The following ARHGAP31 variants were observed in gnomAD, a reference collection of about 807,000 sequenced individuals.
The protein encoded by ARHGAP31 is Rho GTPase activating protein 31, also known as rho GTPase-activating protein 31.
ARHGAP31 carries 34 observed loss-of-function variants against 113.9 expected under a neutral mutation model. The ratio of observed to expected loss-of-function variants is 0.30; its 90% CI spans 0.23 to 0.40. The LOEUF (loss-of-function observed/expected upper bound fraction) is 0.40, where lower values mean the gene tolerates loss of function less well. Among genes scored for constraint, ARHGAP31 ranks in the 10% least tolerant of loss-of-function variants. ARHGAP31 has a pLI of 1.00. For synonymous variants in ARHGAP31, 650 were observed against 684.8 expected (o/e 0.95, Z 0.79); for missense variants, 1,548 against 1,767.1 (o/e 0.88, Z 2.22).
rs544667283 is a variant in ARHGAP31, at chr3:119,312,615, A to T, written c.100+17611A>T. Among the ~76,000 whole-genome samples, 298 of 152,350 alleles carry T rather than the reference A, an allele frequency of 2.0e-3. 1 individual carries two copies. Among genetic ancestry groups the T allele is most frequent in the Non-Finnish European group, 2.0e-3 (139 of 68,034 alleles). ...AATAATAAAATAAAATAACAAAAGCAATTGTTAAAAACAACAACAACAACA... is the reference window on the plus strand; with the variant it reads ...AATAATAAAATAAAATAACAAAAGCTATTGTTAAAAACAACAACAACAACA... On this transcript the variant is annotated intron_variant, in intron 1 of 11. Coordinates refer to ENST00000264245, the MANE Select transcript of ARHGAP31 (RefSeq NM_020754.4).
chr3:119,297,044 C>G (rs2079538687), intron 1 of ARHGAP31, among the ~76,000 whole-genome samples: 1 of 152,152 alleles, frequency 6.6e-6, no homozygotes, highest in South Asian at 2.1e-4. Context: ...GATGAGAGTT[C>G]AGCTTTGAAA....
intron 1 of ARHGAP31, chr3:119,324,968 A>T (rs1351147282): frequency 2.2e-6 from 1 of 456,726 alleles, no homozygotes; most frequent in Non-Finnish European, 4.4e-6. Context: ...GGTAAGCAAT[A>T]AGCAGTACTC....
intron 1 of ARHGAP31, among the ~76,000 whole-genome samples, chr3:119,359,736 G>C (rs922457022): frequency 6.6e-6 from 1 of 152,100 alleles, no homozygotes; most frequent in East Asian, 1.9e-4. Flanking sequence ...TGGATTCTGG[G>C]GGGGAAACGC....
chr3:119,398,122 C>T (rs1419927648), intron 8 of ARHGAP31, among the ~76,000 whole-genome samples: 1 of 151,792 alleles, frequency 6.6e-6, no homozygotes, highest in Non-Finnish European at 1.5e-5. Flanking sequence ...TTTAAATTAG[C>T]CAGGTTTGTT....
At chr3:119,401,385 G>C (rs2080605560) in intron 9 of ARHGAP31, among the ~76,000 whole-genome samples, 1 of 152,150 alleles carries the variant, frequency 6.6e-6, no homozygotes, top group African/African-American at 2.4e-5. Flanking sequence ...AAGTTTTAAA[G>C]TTCTAAAATA....
intron 1 of ARHGAP31, among the ~76,000 whole-genome samples, chr3:119,315,748 G>A (rs1190189329): frequency 6.6e-6 from 1 of 152,354 alleles, no homozygotes; most frequent in South Asian, 2.1e-4. Context: ...TGCTGTGGAT[G>A]CTGACCAGCA....
chr3:119,386,555 T>C (rs73187865), intron 6 of ARHGAP31, among the ~76,000 whole-genome samples: 17,441 of 152,242 alleles, frequency 0.11, 1,096 homozygotes, highest in African/African-American at 0.17. Flanking sequence ...GGACCAGCCC[T>C]ACAGGGTCAG....
At chr3:119,410,707 A>C (rs1035543679) in intron 11 of ARHGAP31, among the ~76,000 whole-genome samples, 12 of 152,248 alleles carry the variant, frequency 7.9e-5, no homozygotes, top group Non-Finnish European at 1.5e-4. Context: ...GGGTGGATTC[A>C]AGGGAACAAG....
Position 119,405,330 on chromosome 3 carries a change from C to T in ARHGAP31, c.1645+2933C>T, listed in dbSNP as rs925989076. Among the ~76,000 whole-genome samples, 13 of 152,288 alleles carry T rather than the reference C, an allele frequency of 8.5e-5. No homozygotes were observed. The East Asian group carries it at 2.5e-3, about 29-fold the overall frequency. Reference sequence around the variant, plus strand: ...TAGAAGTTTATTTCTATCTTACACACAAGTCCAGAATAAGGTGACTGTGAT... The same window carrying T: ...TAGAAGTTTATTTCTATCTTACACATAAGTCCAGAATAAGGTGACTGTGAT... On this transcript the variant is annotated intron_variant, in intron 10 of 11. Transcript: ENST00000264245.
At chr3:119,387,179 A>G (rs1046718960) in intron 6 of ARHGAP31, among the ~76,000 whole-genome samples, 5 of 152,186 alleles carry the variant, frequency 3.3e-5, no homozygotes, top group Admixed American at 6.5e-5. Flanking sequence ...GCTGGACCAC[A>G]GTCCGCCTGG....
At position 119,416,091 on chromosome 3, in the gene ARHGAP31, CT is replaced by C; in HGVS notation, c.4165del (p.Cys1389ValfsTer21). On this transcript the variant is annotated frameshift_variant, in exon 12 of 12. Transcript: ENST00000264245. LOFTEE classifies it high-confidence loss of function. ...CACCCAGACAGTTTCCCCTGGCCTTCTTTGTGGAGAGTTGGCAGAAAACACA... is the reference window on the plus strand; with the variant it reads ...CACCCAGACAGTTTCCCCTGGCCTTCTTGTGGAGAGTTGGCAGAAAACACA... Reference protein sequence around the residue: ...SPTQTVSPGLLCGELAENTWV... With the variant: ...SPTQTVSPGLXCGELAENTWV... 3.7e-6 allele frequency: 6 copies of C among 1,614,192 alleles called. No individual in the cohort carries two copies. Among genetic ancestry groups the C allele is most frequent in the Non-Finnish European group, 4.2e-6 (5 of 1,180,040 alleles).
In ARHGAP31 at chr3:119,416,087, C is replaced by A. The variant is rs1222852129; in HGVS notation, c.4158C>A (p.Gly1386=). The A allele has an allele frequency of 1.1e-5, 17 of 1,614,194 alleles. No homozygotes were observed. Among genetic ancestry groups the A allele is most frequent in the South Asian group, 2.2e-5 (2 of 91,080 alleles). ...IRSPTQTVSP[G]LLCGELAENT... ...GTCCCACCCAGACAGTTTCCCCTGGCCTTCTTTGTGGAGAGTTGGCAGAAA... is the reference window on the plus strand; with the variant it reads ...GTCCCACCCAGACAGTTTCCCCTGGACTTCTTTGTGGAGAGTTGGCAGAAA... Residue 1386 remains glycine, a synonymous_variant, in exon 12 of 12, where the codon GGC becomes GGA. Coordinates refer to ENST00000264245, the MANE Select transcript of ARHGAP31 (RefSeq NM_020754.4).
At chr3:119,377,259 T>C (rs1374518063) in intron 3 of ARHGAP31, among the ~76,000 whole-genome samples, 1 of 152,208 alleles carries the variant, frequency 6.6e-6, no homozygotes, top group Non-Finnish European at 1.5e-5. Context: ...AAGGGACAGA[T>C]GATACCCAAA....
intron 11 of ARHGAP31, among the ~76,000 whole-genome samples, chr3:119,412,193 A>C (rs1180227704): frequency 6.6e-6 from 1 of 152,152 alleles, no homozygotes; most frequent in African/African-American, 2.4e-5. Flanking sequence ...GTTTGTGACC[A>C]GCCTGGCCAA....
intron 8 of ARHGAP31, among the ~76,000 whole-genome samples, chr3:119,398,401 G>A (rs1265807535): frequency 6.6e-6 from 1 of 152,190 alleles, no homozygotes; most frequent in African/African-American, 2.4e-5. Flanking sequence ...AGGGCTACTA[G>A]TCCTGGGCCT....
At chr3:119,387,403 A>G (rs1404962699) in intron 6 of ARHGAP31, among the ~76,000 whole-genome samples, 1 of 152,250 alleles carries the variant, frequency 6.6e-6, no homozygotes, top group Non-Finnish European at 1.5e-5. Flanking sequence ...AATTGCTACA[A>G]ACTAATGATT....
At chr3:119,329,285 A>G (rs1381401546) in intron 1 of ARHGAP31, among the ~76,000 whole-genome samples, 1 of 152,198 alleles carries the variant, frequency 6.6e-6, no homozygotes, top group African/African-American at 2.4e-5. Flanking sequence ...GCCACATATC[A>G]ATATAGCCTG....
Position 119,415,515 on chromosome 3 carries a change from C to T in ARHGAP31, c.3586C>T (p.Gln1196Ter), listed in dbSNP as rs2080767698. ...VRTSFMVKMC[Q>*]ARAVPVIPPK... The stretch of plus-strand genomic sequence containing the variant: ...AACCTCCTTCATGGTCAAAATGTGC[C>T]AGGCCAGGGCGGTCCCAGTCATCCC... The change falls in exon 12 of 12, where the codon CAG (glutamine) becomes TAG (stop). Residue 1196 changes from glutamine to a stop codon, truncating the protein, a stop_gained. Coordinates refer to ENST00000264245, the MANE Select transcript of ARHGAP31 (RefSeq NM_020754.4). LOFTEE classifies it high-confidence loss of function. The T allele has an allele frequency of 1.2e-6, 2 of 1,613,990 alleles. No individual in the cohort carries two copies. The highest frequency in any genetic ancestry group is 1.7e-6 in the Non-Finnish European group (2 of 1,180,058).
chr3:119,388,849 T>C (rs779450474), intron 6 of ARHGAP31, among the ~76,000 whole-genome samples: 7 of 151,966 alleles, frequency 4.6e-5, no homozygotes, highest in Non-Finnish European at 8.8e-5. Flanking sequence ...TGTTACAAAA[T>C]GTAAAGTTAG....
Sources: gnomAD v4.1 joint callset for allele counts (sites outside exome capture counted in the v4.1 genomes callset) on GRCh38, gnomAD v4.1.1 for gene constraint, MANE v1.5 for transcripts, NCBI Gene and HGNC (gene_info 2026-07-23, HGNC 2026-07-21) for gene names.